TMEM135: variants seen among roughly 807,000 people sequenced by gnomAD.
TMEM135 encodes peroxisomal membrane protein 52.
A neutral mutation model predicts 60.3 loss-of-function variants in TMEM135; 30 were observed. The ratio of observed to expected loss-of-function variants is 0.50; its 90% CI spans 0.37 to 0.68. The LOEUF is 0.68. Among genes scored for constraint, TMEM135 ranks in the 30% least tolerant of loss-of-function variants. TMEM135 has a pLI of 0.00. For missense variants in TMEM135, 468 were observed against 548.8 expected (o/e 0.85, Z 1.47); for synonymous variants, 190 against 186.7 (o/e 1.02, Z -0.14).
intron 8 of TMEM135, among the ~76,000 whole-genome samples, chr11:87,305,232 A>T (rs75499880): frequency 0.036 from 5,514 of 152,218 alleles, 94 homozygotes; most frequent in Admixed American, 0.046. Flanking sequence ...TTTATTACCA[A>T]TATACTCTAC....
At chr11:87,109,959 C>A (rs1857701494) in intron 4 of TMEM135, among the ~76,000 whole-genome samples, 1 of 152,090 alleles carries the variant, frequency 6.6e-6, no homozygotes, top group Admixed American at 6.5e-5. Context: ...AACAAGTTAT[C>A]TTCCTCTTAA....
At position 87,276,830 on chromosome 11, in the gene TMEM135, C is replaced by A. The variant is rs540230481; in HGVS notation, c.510-18952C>A. ...ATTACTGGCATGCGAGGCCACCATGCCTGGCTAATTTTTGTATTTTTAGTA... is the reference window on the plus strand; with the variant it reads ...ATTACTGGCATGCGAGGCCACCATGACTGGCTAATTTTTGTATTTTTAGTA... On this transcript the variant is annotated intron_variant, in intron 6 of 14. Coordinates refer to ENST00000305494, the MANE Select transcript of TMEM135 (RefSeq NM_022918.4). Among the ~76,000 whole-genome samples the A allele has an allele frequency of 4.0e-5, 6 of 151,840 alleles. No individual in the cohort carries two copies. The South Asian group carries it at 1.3e-3, about 32-fold the overall frequency.
chr11:87,055,677 G>C (rs778166909), intron 1 of TMEM135, among the ~76,000 whole-genome samples: 1 of 151,328 alleles, frequency 6.6e-6, no homozygotes, highest in Non-Finnish European at 1.5e-5. Flanking sequence ...GCCAACCTCC[G>C]CCTCCTAGGT....
chr11:87,260,965 C>G (rs1218305911), intron 6 of TMEM135, among the ~76,000 whole-genome samples: 3 of 152,176 alleles, frequency 2.0e-5, no homozygotes, highest in Non-Finnish European at 4.4e-5. Context: ...CCTCGTGTCA[C>G]ACTCTGAATA....
rs1339693969 is a variant in TMEM135, at chr11:87,322,792, G to T, written c.*1459G>T. The T allele has an allele frequency of 6.6e-6, 3 of 454,272 alleles. 1 individual carries two copies. Among genetic ancestry groups the T allele is most frequent in the South Asian group, 4.7e-5 (3 of 64,460 alleles). The allele number at this position is 454,272 out of a possible 1,614,324, so 28.1% of individuals were successfully genotyped here. Reference sequence around the variant, plus strand: ...ATGGCAAACAGAAACCCAACAAAAAGACAGACTCTGGTACTATGGTAACAG... The same window carrying T: ...ATGGCAAACAGAAACCCAACAAAAATACAGACTCTGGTACTATGGTAACAG... On this transcript the variant is annotated 3_prime_UTR_variant, in exon 15 of 15. Transcript: ENST00000305494.
chr11:87,158,116 G>C (rs1333052580), intron 5 of TMEM135, among the ~76,000 whole-genome samples: 1 of 152,078 alleles, frequency 6.6e-6, no homozygotes, highest in East Asian at 1.9e-4. Flanking sequence ...TGAGGAGATG[G>C]GGTCTTGCTA....
intron 6 of TMEM135, among the ~76,000 whole-genome samples, chr11:87,256,939 TA>T (rs375687180): frequency 1.3e-5 from 2 of 152,128 alleles, no homozygotes; most frequent in African/African-American, 4.8e-5. Context: ...TGTGTATGTG[TA>T]TATGTGTATA....
intron 5 of TMEM135, among the ~76,000 whole-genome samples, chr11:87,231,090 T>C (rs1940879401): frequency 6.6e-6 from 1 of 152,088 alleles, no homozygotes; most frequent in East Asian, 1.9e-4. Flanking sequence ...GCTTACTGTC[T>C]AGAGAGAATT....
intron 5 of TMEM135, among the ~76,000 whole-genome samples, chr11:87,234,359 T>C (rs1940950084): frequency 6.6e-6 from 1 of 152,110 alleles, no homozygotes; most frequent in Admixed American, 6.6e-5. Context: ...TTTTGTGCAT[T>C]GTTCTAAGTT....
Position 87,268,635 on chromosome 11 carries a change from T to C in TMEM135, c.510-27147T>C, listed in dbSNP as rs184753527. On this transcript the variant is annotated intron_variant, in intron 6 of 14. Coordinates refer to ENST00000305494, the MANE Select transcript of TMEM135 (RefSeq NM_022918.4). ...GTCAAGAACATTGAATGGATGCTCA[T>C]AGATTTAACAAAGAATTCTATTTTG... Among the ~76,000 whole-genome samples the C allele has an allele frequency of 3.0e-3, 457 of 152,192 alleles. 4 individuals are homozygous for C. The highest frequency in any genetic ancestry group is 0.01 in the African/African-American group (435 of 41,532).
intron 4 of TMEM135, among the ~76,000 whole-genome samples, chr11:87,130,507 C>T (rs1430776023): frequency 6.6e-6 from 1 of 152,050 alleles, no homozygotes; most frequent in Non-Finnish European, 1.5e-5. Flanking sequence ...TTGACAGTTC[C>T]TCCTTGTGTC....
chr11:87,117,252 A>T (rs1857912534), intron 4 of TMEM135, among the ~76,000 whole-genome samples: 1 of 152,190 alleles, frequency 6.6e-6, no homozygotes, highest in Non-Finnish European at 1.5e-5. Context: ...GATGATTGCT[A>T]GTTAAGGTGG....
intron 4 of TMEM135, among the ~76,000 whole-genome samples, chr11:87,142,335 C>T (rs1938285241): frequency 6.6e-6 from 1 of 152,138 alleles, no homozygotes; most frequent in Non-Finnish European, 1.5e-5. Flanking sequence ...CGCTTGAGGG[C>T]ATGGATAGAG....
At chr11:87,139,489 C>G (rs1938204638) in intron 4 of TMEM135, among the ~76,000 whole-genome samples, 1 of 152,156 alleles carries the variant, frequency 6.6e-6, no homozygotes, top group Non-Finnish European at 1.5e-5. Flanking sequence ...CTTGTCTGCT[C>G]TCTGTCACTA....
chr11:87,238,811 A>G (rs1305446947), intron 6 of TMEM135, among the ~76,000 whole-genome samples: 2 of 152,090 alleles, frequency 1.3e-5, no homozygotes, highest in Non-Finnish European at 2.9e-5. Context: ...CTTAAAAACT[A>G]GAAACATAAC....
intron 5 of TMEM135, among the ~76,000 whole-genome samples, chr11:87,230,210 A>T (rs765613637): frequency 6.6e-6 from 1 of 152,126 alleles, no homozygotes; most frequent in Non-Finnish European, 1.5e-5. Flanking sequence ...TAAGAATATC[A>T]TACATAATTG....
intron 7 of TMEM135, among the ~76,000 whole-genome samples, chr11:87,300,493 G>T: frequency 6.6e-6 from 1 of 152,202 alleles, no homozygotes; most frequent in East Asian, 1.9e-4. Context: ...TTTATTGGTT[G>T]TGGACAAGAT....
intron 1 of TMEM135, among the ~76,000 whole-genome samples, chr11:87,062,772 T>TA (rs1305919687): frequency 6.6e-6 from 1 of 152,104 alleles, no homozygotes; most frequent in Non-Finnish European, 1.5e-5. Flanking sequence ...CATTTATTTT[T>TA]AAAAAAATTA....
At chr11:87,176,717 T>G (rs1447612236) in intron 5 of TMEM135, among the ~76,000 whole-genome samples, 1 of 152,182 alleles carries the variant, frequency 6.6e-6, no homozygotes, top group Non-Finnish European at 1.5e-5. Context: ...TTTAGTGATT[T>G]TCACTGTAGT....
Sources: gnomAD v4.1 joint callset for allele counts (sites outside exome capture counted in the v4.1 genomes callset) on GRCh38, gnomAD v4.1.1 for gene constraint, MANE v1.5 for transcripts, NCBI Gene and HGNC (gene_info 2026-07-23, HGNC 2026-07-21) for gene names.